Variants in ATXN7 observed in about 807,000 individuals in gnomAD.
ATXN7 encodes the protein ataxin-7.
ATXN7 carries 12 observed loss-of-function variants against 70.5 expected under a neutral mutation model. The observed-to-expected ratio is 0.17, with a 90% CI of 0.11 to 0.28. ATXN7 has a LOEUF of 0.28. Ranked by LOEUF, ATXN7 falls within the 10% of genes least tolerant of loss-of-function variation. ATXN7 has a pLI of 1.00. For synonymous variants in ATXN7, 498 were observed against 448.7 expected, an observed-to-expected ratio of 1.11 and a Z score of -1.39; for missense variants, 1,256 against 1,131.7, an observed-to-expected ratio of 1.11 and a Z score of -1.58.
intron 4 of ATXN7, among the ~76,000 whole-genome samples, chr3:63,915,818 A>AC: frequency 6.6e-6 from 1 of 151,634 alleles, no homozygotes; most frequent in Non-Finnish European, 1.5e-5. Context: ...TGTAGCTGGG[A>AC]TTACAGGCAC....
At chr3:63,870,155 A>G (rs1037849373) in intron 1 of ATXN7, among the ~76,000 whole-genome samples, 10 of 152,238 alleles carry the variant, frequency 6.6e-5, no homozygotes, top group African/African-American at 2.4e-4. Flanking sequence ...ATATAAATGA[A>G]TGGGTATGAC....
chr3:63,995,464 G>A (rs1456073849), intron 11 of ATXN7, 41 bp from the exon 12 acceptor site: 4 of 1,606,568 alleles, frequency 2.5e-6, no homozygotes, highest in Admixed American at 1.7e-5. Flanking sequence ...TCTGTGAATG[G>A]CTGTGGTCAG....
intron 4 of ATXN7, among the ~76,000 whole-genome samples, chr3:63,942,560 A>G (rs913331641): frequency 6.6e-6 from 1 of 152,186 alleles, no homozygotes; most frequent in African/African-American, 2.4e-5. Context: ...GTAGCCATTC[A>G]TGTATTTATT....
At chr3:63,876,761 GTA>G (rs1334660610) in intron 1 of ATXN7, among the ~76,000 whole-genome samples, 3 of 152,134 alleles carry the variant, frequency 2.0e-5, no homozygotes, top group Non-Finnish European at 4.4e-5. Flanking sequence ...CTGGTATCAA[GTA>G]TTAATCAGCT....
intron 1 of ATXN7, among the ~76,000 whole-genome samples, chr3:63,867,551 G>A (rs1044115968): frequency 1.3e-5 from 2 of 152,094 alleles, no homozygotes; most frequent in African/African-American, 4.8e-5. Context: ...CTGTGTGCTC[G>A]TTACTTGCCT....
chr3:63,933,517 T>G (rs1030560186), intron 4 of ATXN7, among the ~76,000 whole-genome samples: 1 of 152,196 alleles, frequency 6.6e-6, no homozygotes, highest in African/African-American at 2.4e-5. Context: ...ACTTTCTTCA[T>G]GTACTCTGCA....
At chr3:63,875,183 G>C (rs922074091) in intron 1 of ATXN7, among the ~76,000 whole-genome samples, 2 of 152,102 alleles carry the variant, frequency 1.3e-5, no homozygotes, top group Non-Finnish European at 2.9e-5. Flanking sequence ...TTGAACTCCT[G>C]AGTGGCAAGT....
chr3:63,982,576 T>G (rs2075506753), intron 7 of ATXN7, 131 bp downstream of exon 7: 5 of 821,762 alleles, frequency 6.1e-6, no homozygotes, highest in Admixed American at 5.6e-5. Flanking sequence ...AGGAAGTTCC[T>G]TAGTTAATAT....
Position 63,912,772 on chromosome 3 carries a change from A to C in ATXN7, c.174A>C (p.Thr58=). The C allele has an allele frequency of 1.4e-6, 2 of 1,434,102 alleles. No homozygotes were observed. Among genetic ancestry groups the C allele is most frequent in the Non-Finnish European group, 1.8e-6 (2 of 1,094,506 alleles). The allele number at this position is 1,434,102 out of a possible 1,614,324, so 88.8% of individuals were successfully genotyped here. ...ACCCGCCACCGCCGCCACGGCGCAC[A>C]CGGCCGGAGGACGGCGGGCCCGGCG... The part of the protein sequence containing the change: ...QQHPPPPPRR[T]RPEDGGPGAA... The change falls in exon 3 of 13, where the codon ACA becomes ACC. Residue 58 remains threonine (T), a synonymous_variant. Coordinates refer to ENST00000674280, the MANE Select transcript of ATXN7 (RefSeq NM_001377405.1).
At chr3:63,887,069 C>T (rs996955172) in intron 1 of ATXN7, among the ~76,000 whole-genome samples, 2 of 152,178 alleles carry the variant, frequency 1.3e-5, no homozygotes, top group African/African-American at 2.4e-5. Context: ...GGTCAAATTG[C>T]ATCACCATAG....
At chr3:63,940,258 C>T (rs972381200) in intron 4 of ATXN7, among the ~76,000 whole-genome samples, 1 of 150,960 alleles carries the variant, frequency 6.6e-6, no homozygotes, top group South Asian at 2.1e-4. Flanking sequence ...CATAAACTCC[C>T]TGCTGGAGCA....
intron 4 of ATXN7, among the ~76,000 whole-genome samples, chr3:63,918,062 G>T (rs1704354936): frequency 6.6e-6 from 1 of 152,178 alleles, no homozygotes; most frequent in Non-Finnish European, 1.5e-5. Context: ...GCAACCCAGT[G>T]TGATGTCCAC....
At chr3:63,957,393 C>G (rs2075057993) in intron 5 of ATXN7, among the ~76,000 whole-genome samples, 1 of 152,210 alleles carries the variant, frequency 6.6e-6, no homozygotes, top group South Asian at 2.1e-4. Flanking sequence ...GGAGCAGCCA[C>G]TTTTTCCCAA....
chr3:63,982,648 G>GTGTGTT (rs2075509176), intron 7 of ATXN7, among the ~76,000 whole-genome samples: 1 of 151,730 alleles, frequency 6.6e-6, no homozygotes, highest in Admixed American at 6.6e-5. Flanking sequence ...GTGTGTGTGT[G>GTGTGTT]TGTGTGTGTG....
intron 1 of ATXN7, among the ~76,000 whole-genome samples, chr3:63,881,033 A>G (rs1035954270): frequency 1.3e-5 from 2 of 152,176 alleles, no homozygotes; most frequent in Non-Finnish European, 2.9e-5. Flanking sequence ...GCAATTTGTT[A>G]TCTGTAGAAT....
At position 63,957,752 on chromosome 3, in the gene ATXN7, C is replaced by A. The variant is rs145783394; in HGVS notation, c.499+5269C>A. Among the ~76,000 whole-genome samples the A allele has an allele frequency of 1.5e-3, 221 of 152,236 alleles. 1 individual carries two copies. Among genetic ancestry groups the A allele is most frequent in the African/African-American group, 5.0e-3 (206 of 41,536 alleles). ...AGATTGGAAAGGGAGTAAGTTTTCA[C>A]TTGTCATTTGATGTTATTAATATTA... On this transcript the variant is annotated intron_variant, in intron 5 of 12. Coordinates refer to ENST00000674280, the MANE Select transcript of ATXN7 (RefSeq NM_001377405.1).
intron 1 of ATXN7, among the ~76,000 whole-genome samples, chr3:63,885,331 A>G (rs550504964): frequency 6.6e-6 from 1 of 152,218 alleles, no homozygotes; most frequent in Non-Finnish European, 1.5e-5. Flanking sequence ...GCCAACAGGT[A>G]TATGAAAAGA....
At chr3:63,964,265 C>G (rs1051469484) in intron 5 of ATXN7, among the ~76,000 whole-genome samples, 9 of 152,076 alleles carry the variant, frequency 5.9e-5, no homozygotes, top group African/African-American at 1.9e-4. Context: ...TGGGAAGTTT[C>G]TATTCATTCT....
Position 63,990,718 on chromosome 3 carries a change from G to C in ATXN7, c.1561-20G>C, listed in dbSNP as rs774610666. 1.2e-6 allele frequency: 2 copies of C among 1,614,102 alleles called. No homozygotes were observed. Among genetic ancestry groups the C allele is most frequent in the Admixed American group, 3.3e-5 (2 of 60,016 alleles). On this transcript the variant is annotated intron_variant, in intron 10 of 12. Transcript: ENST00000674280. Reference sequence around the variant, plus strand: ...CCAGTGTGGGAGTCAGCAAGCACGCGGCTATGTTTTCTCTTGCAGTTTTGC... The same window carrying C: ...CCAGTGTGGGAGTCAGCAAGCACGCCGCTATGTTTTCTCTTGCAGTTTTGC...
Sources: gnomAD v4.1 joint callset for allele counts (sites outside exome capture counted in the v4.1 genomes callset) on GRCh38, gnomAD v4.1.1 for gene constraint, MANE v1.5 for transcripts, NCBI Gene and HGNC (gene_info 2026-07-23, HGNC 2026-07-21) for gene names.